Variants in DAGLA observed in about 807,000 individuals in gnomAD.
DAGLA encodes diacylglycerol lipase alpha.
In DAGLA, 22 loss-of-function variants were observed where a neutral mutation model predicts 102.6. The ratio of observed to expected loss-of-function variants is 0.21; its 90% CI spans 0.15 to 0.31. The LOEUF is 0.31. Ranked by LOEUF, DAGLA falls within the 10% of genes least tolerant of loss-of-function variation. The pLI is 1.00. For synonymous variants in DAGLA, 578 were observed against 628.9 expected (o/e 0.92, Z 1.21); for missense variants, 927 against 1,446.6 (o/e 0.64, Z 5.83).
chr11:61,732,929 G>A (rs2065388624), intron 9 of DAGLA, among the ~76,000 whole-genome samples: 1 of 152,210 alleles, frequency 6.6e-6, no homozygotes. Flanking sequence ...GCCCTGCCCT[G>A]GATGAGCCCC....
intron 1 of DAGLA, among the ~76,000 whole-genome samples, chr11:61,706,986 C>A (rs776001398): frequency 2.0e-5 from 3 of 152,252 alleles, no homozygotes; most frequent in Non-Finnish European, 4.4e-5. Flanking sequence ...CCTGGAGTTA[C>A]AGCAGCTTCA....
intron 6 of DAGLA, 43 bp from the exon 7 acceptor site, chr11:61,728,110 C>G (rs1460224169): frequency 1.2e-6 from 2 of 1,611,498 alleles, no homozygotes. Context: ...CGTCCTCTCT[C>G]CTGCTCCCCT....
At chr11:61,737,071 A>G in intron 13 of DAGLA, 111 bp from the exon 14 acceptor site, 1 of 1,452,108 alleles carries the variant, frequency 6.9e-7, no homozygotes, top group South Asian at 1.2e-5. Flanking sequence ...AGCACAGACA[A>G]GATCCCAGGA....
intron 16 of DAGLA, among the ~76,000 whole-genome samples, chr11:61,738,532 G>A (rs545758219): frequency 1.3e-5 from 2 of 152,346 alleles, no homozygotes; most frequent in African/African-American, 4.8e-5. Flanking sequence ...ACAGTCAGGA[G>A]AAAGCGATCT....
intron 1 of DAGLA, among the ~76,000 whole-genome samples, chr11:61,694,844 C>T (rs1215595161): frequency 6.6e-6 from 1 of 152,060 alleles, no homozygotes; most frequent in African/African-American, 2.4e-5. Context: ...TCGCATTACC[C>T]ACTTCCCTGC....
At position 61,737,210 on chromosome 11, in the gene DAGLA, T is replaced by C. The variant is rs761895756; in HGVS notation, c.1400T>C (p.Ile467Thr). The change falls in exon 14 of 20, where the codon ATT (isoleucine) becomes ACT (threonine). Residue 467 changes from isoleucine to threonine, a missense_variant. Ile to Thr is a moderately conservative substitution (Grantham distance 89). Around this residue, in one of 4 missense-constraint regions of DAGLA, gnomAD observed 218 missense variants for 459.6 expected, o/e 0.47. Coordinates refer to ENST00000257215, the MANE Select transcript of DAGLA (RefSeq NM_006133.3). The stretch of plus-strand genomic sequence containing the variant: ...CGCGGAACCAAACACTACGGCCTGA[T>C]TGTGGTGGGCCACTCCCTGGGCGCG... Reference protein sequence around the residue: ...LGRGTKHYGLIVVGHSLGAGT... With the variant: ...LGRGTKHYGLTVVGHSLGAGT... The C allele has an allele frequency of 1.9e-6, 3 of 1,613,532 alleles. No individual in the cohort carries two copies. The highest frequency in any genetic ancestry group is 2.5e-6 in the Non-Finnish European group (3 of 1,180,002).
In DAGLA at chr11:61,720,905, C is replaced by T. The variant is rs757090449; in HGVS notation, c.307+15C>T. ...CGTGCGCCTGGGTAAGGGCCACCCA[C>T]CCTGGGGTGCTGCCCCAGACAACTC... On this transcript the variant is annotated intron_variant, in intron 3 of 19. Transcript: ENST00000257215. 1 of 1,605,360 alleles carries T rather than the reference C, an allele frequency of 6.2e-7. No homozygotes were observed. The highest frequency in any genetic ancestry group is 8.5e-7 in the Non-Finnish European group (1 of 1,174,820).
intron 1 of DAGLA, among the ~76,000 whole-genome samples, chr11:61,695,555 C>T (rs926371799): frequency 2.0e-5 from 3 of 152,210 alleles, no homozygotes; most frequent in Non-Finnish European, 2.9e-5. Flanking sequence ...GTCTGAGCCT[C>T]CCACCCCGCT....
chr11:61,725,142 A>G (rs942927501), intron 5 of DAGLA, among the ~76,000 whole-genome samples: 5 of 152,152 alleles, frequency 3.3e-5, no homozygotes, highest in South Asian at 2.1e-4. Context: ...GGGGCCGCAC[A>G]TGGCACAAAA....
At chr11:61,729,279 T>C (rs592931) in intron 8 of DAGLA, among the ~76,000 whole-genome samples, 96,617 of 152,230 alleles carry the variant, frequency 0.63, 30,766 homozygotes, top group Middle Eastern at 0.76. Flanking sequence ...CAGAGCACTT[T>C]ACCAGGGTGA....
chr11:61,690,743 C>T (rs902005927), intron 1 of DAGLA, among the ~76,000 whole-genome samples: 1 of 152,166 alleles, frequency 6.6e-6, no homozygotes, highest in Non-Finnish European at 1.5e-5. Flanking sequence ...ATTCCCCTCA[C>T]CTGGCATGGG....
intron 18 of DAGLA, among the ~76,000 whole-genome samples, chr11:61,740,943 G>A (rs1262848328): frequency 2.0e-5 from 3 of 152,214 alleles, no homozygotes; most frequent in Non-Finnish European, 4.4e-5. Context: ...CTGAAGGCAG[G>A]TAGGGCAGGA....
chr11:61,743,293 G>A (rs1443118960), intron 19 of DAGLA, among the ~76,000 whole-genome samples: 3 of 151,418 alleles, frequency 2.0e-5, no homozygotes, highest in Non-Finnish European at 4.4e-5. Flanking sequence ...TGAACCCAGG[G>A]CGGAGCTTGC....
At chr11:61,718,829 T>C (rs1332894966) in intron 1 of DAGLA, among the ~76,000 whole-genome samples, 1 of 152,140 alleles carries the variant, frequency 6.6e-6, no homozygotes, top group Non-Finnish European at 1.5e-5. Context: ...CGGGCGGACA[T>C]GCGGGCTGGC....
At chr11:61,712,792 C>T (rs1049820107) in intron 1 of DAGLA, among the ~76,000 whole-genome samples, 1 of 152,174 alleles carries the variant, frequency 6.6e-6, no homozygotes, top group Non-Finnish European at 1.5e-5. Flanking sequence ...ACTGTAGCCC[C>T]GGGAGCCTGG....
At chr11:61,720,597 G>A (rs2065273396) in intron 2 of DAGLA, 82 bp from the exon 3 acceptor site, 2 of 1,329,032 alleles carry the variant, frequency 1.5e-6, no homozygotes, top group Admixed American at 1.8e-5. Flanking sequence ...CTGAATCTGG[G>A]CTGGGGAAGG....
intron 1 of DAGLA, among the ~76,000 whole-genome samples, chr11:61,713,239 C>T (rs1470070232): frequency 6.6e-6 from 1 of 152,186 alleles, no homozygotes; most frequent in East Asian, 1.9e-4. Flanking sequence ...CAGAAACAGG[C>T]ATTTAGCTGA....
Position 61,728,809 on chromosome 11 carries a change from A to G in DAGLA, c.772-122A>G. 4 of 766,714 alleles carry G rather than the reference A, an allele frequency of 5.2e-6. No individual in the cohort carries two copies. The East Asian group carries it at 1.0e-4, about 20-fold the overall frequency. The allele number at this position is 766,714 out of a possible 1,614,324, so 47.5% of individuals were successfully genotyped here. On this transcript the variant is annotated intron_variant, in intron 7 of 19. Transcript: ENST00000257215. ...GAATCTTGGAAGAACTAGAAGCTGC[A>G]TGCTCGTTTGGGCTTCTCGGCCTTT...
chr11:61,682,372 C>T (rs574653833), intron 1 of DAGLA, among the ~76,000 whole-genome samples: 2 of 152,106 alleles, frequency 1.3e-5, no homozygotes, highest in South Asian at 2.1e-4. Flanking sequence ...GGAAGGGAGC[C>T]GGAAGGTTGA....
Sources: gnomAD v4.1 joint callset for allele counts (sites outside exome capture counted in the v4.1 genomes callset) on GRCh38, gnomAD v4.1.1 for gene constraint, gnomAD v4.1.1 regional missense constraint, MANE v1.5 for transcripts, NCBI Gene and HGNC (gene_info 2026-07-23, HGNC 2026-07-21) for gene names.